SPAM1: variants seen among roughly 807,000 people sequenced by gnomAD.
SPAM1 encodes the protein sperm adhesion molecule 1.
In SPAM1, 22 loss-of-function variants were observed where a neutral mutation model predicts 29.6. That is an observed-to-expected ratio of 0.74 (90% CI 0.53 to 1.06). SPAM1 has a LOEUF of 1.06. Ranked by LOEUF, SPAM1 falls within the 50% of genes least tolerant of loss-of-function variation. The probability of loss-of-function intolerance (pLI) is 0.00; values close to 1 mark genes in which losing one functional copy is unlikely to be tolerated. For missense variants in SPAM1, 534 were observed against 604.0 expected (o/e 0.88, Z 1.21); for synonymous variants, 194 against 204.6 (o/e 0.95, Z 0.44).
intron 1 of SPAM1, among the ~76,000 whole-genome samples, chr7:123,941,430 C>A (rs1284302186): frequency 6.6e-6 from 1 of 152,316 alleles, no homozygotes; most frequent in Non-Finnish European, 1.5e-5. Context: ...AGATAAGAGA[C>A]AAAAGGTGGC....
chr7:123,939,133 T>C (rs1167468273), intron 1 of SPAM1, among the ~76,000 whole-genome samples: 2 of 150,300 alleles, frequency 1.3e-5, no homozygotes, highest in Non-Finnish European at 3.0e-5. Context: ...TCGCCCAGGC[T>C]GGAGTGCAGT....
chr7:123,925,585 C>T (rs185049216), intron 1 of SPAM1: 107 of 152,134 alleles, frequency 7.0e-4, no homozygotes, highest in African/African-American at 2.4e-3. Context: ...CTGATTCAAT[C>T]TATAAAGAAA....
At chr7:123,944,929 C>T (rs990731592) in intron 1 of SPAM1, among the ~76,000 whole-genome samples, 7 of 151,962 alleles carry the variant, frequency 4.6e-5, no homozygotes, top group African/African-American at 1.4e-4. Context: ...ATTATTCTAA[C>T]CAATTATTTA....
In SPAM1 at chr7:123,959,677, G is replaced by A. The variant is rs893240011; in HGVS notation, c.1238G>A (p.Gly413Glu). 6.2e-7 allele frequency: 1 copy of A among 1,613,174 alleles called. No homozygotes were observed. The highest frequency in any genetic ancestry group is 8.5e-7 in the Non-Finnish European group (1 of 1,179,590). The change falls in exon 5 of 5, where the codon GGA (glycine) becomes GAA (glutamate). Residue 413 changes from glycine to glutamate, a missense_variant. Physicochemically the swap from Gly to Glu is moderately conservative, Grantham distance 98. Transcript: ENST00000682466. ...DNFAIQLEKGGKFTVRGKPTL... is the reference protein window; with the variant it reads ...DNFAIQLEKGEKFTVRGKPTL... ...TTTGCTATTCAACTTGAGAAAGGTGGAAAGTTCACAGTACGTGGAAAACCG... is the reference window on the plus strand; with the variant it reads ...TTTGCTATTCAACTTGAGAAAGGTGAAAAGTTCACAGTACGTGGAAAACCG...
At chr7:123,935,928 A>T (rs1033990811) in intron 1 of SPAM1, among the ~76,000 whole-genome samples, 2 of 152,046 alleles carry the variant, frequency 1.3e-5, no homozygotes, top group Non-Finnish European at 2.9e-5. Flanking sequence ...GGTTTTTTTT[A>T]AAGGCTTATT....
At chr7:123,933,859 G>A in intron 1 of SPAM1, among the ~76,000 whole-genome samples, 1 of 152,162 alleles carries the variant, frequency 6.6e-6, no homozygotes. Context: ...GTCAATGATA[G>A]ACCATATATA....
intron 1 of SPAM1, among the ~76,000 whole-genome samples, chr7:123,934,610 A>C (rs549902679): frequency 6.6e-6 from 1 of 151,002 alleles, no homozygotes; most frequent in South Asian, 2.1e-4. Context: ...CAGTGGATGA[A>C]TGGATAAAGA....
rs977758309 is a variant in SPAM1, at chr7:123,960,008, A to G, written c.*39A>G. The G allele has an allele frequency of 1.9e-6, 3 of 1,539,922 alleles. No homozygotes were observed. The African/African-American group carries it at 4.1e-5, about 21-fold the overall frequency. The stretch of plus-strand genomic sequence containing the variant: ...CTGAAATGAACAATATGTCCATCTT[A>G]AAGTGTGCTTTTTCGACTAATTAAA... On this transcript the variant is annotated 3_prime_UTR_variant, in exon 5 of 5. Transcript: ENST00000682466.
chr7:123,939,011 A>G (rs916596897), intron 1 of SPAM1, among the ~76,000 whole-genome samples: 1 of 151,890 alleles, frequency 6.6e-6, no homozygotes, highest in Non-Finnish European at 1.5e-5. Context: ...TTAAAAAGAG[A>G]CATTTGAAGA....
At chr7:123,951,281 A>G (rs1808756099) in intron 2 of SPAM1, among the ~76,000 whole-genome samples, 2 of 151,986 alleles carry the variant, frequency 1.3e-5, no homozygotes, top group South Asian at 4.1e-4. Flanking sequence ...AGTTTGTTCC[A>G]TTTTTGTTTT....
At chr7:123,925,502 A>G (rs1302896037) in intron 1 of SPAM1, 150 bp downstream of exon 1, 1 of 152,206 alleles carries the variant, frequency 6.6e-6, no homozygotes, top group African/African-American at 2.4e-5. Context: ...GTATGAAGTA[A>G]GAAGTTTTAA....
At chr7:123,944,976 C>A (rs1808531214) in intron 1 of SPAM1, among the ~76,000 whole-genome samples, 1 of 151,922 alleles carries the variant, frequency 6.6e-6, no homozygotes, top group Non-Finnish European at 1.5e-5. Flanking sequence ...TAAATATAGA[C>A]AACTTGATCA....
intron 5 of SPAM1, among the ~76,000 whole-genome samples, chr7:123,965,842 G>C (rs1197021312): frequency 6.6e-6 from 1 of 152,006 alleles, no homozygotes; most frequent in Non-Finnish European, 1.5e-5. Context: ...TGTGACAAAT[G>C]TCAATGATAG....
intron 1 of SPAM1, among the ~76,000 whole-genome samples, chr7:123,929,480 A>G (rs1807999718): frequency 6.6e-6 from 1 of 152,000 alleles, no homozygotes; most frequent in Non-Finnish European, 1.5e-5. Flanking sequence ...GGGGAGTTGT[A>G]TATTGTCACT....
At chr7:123,955,134 G>GT (rs773532696) in intron 4 of SPAM1, 48 bp downstream of exon 4, 1 of 1,302,976 alleles carries the variant, frequency 7.7e-7, no homozygotes, top group Admixed American at 1.7e-5. Context: ...TATGTTTAAT[G>GT]TTTTTGGGGA....
At chr7:123,938,510 T>C (rs909825357) in intron 1 of SPAM1, among the ~76,000 whole-genome samples, 1 of 152,238 alleles carries the variant, frequency 6.6e-6, no homozygotes, top group Non-Finnish European at 1.5e-5. Context: ...TATATATTTA[T>C]TGGCATTTAT....
chr7:123,930,584 A>T (rs1409380282), intron 1 of SPAM1, among the ~76,000 whole-genome samples: 7 of 152,208 alleles, frequency 4.6e-5, no homozygotes, highest in Non-Finnish European at 1.0e-4. Context: ...TACACAAGTG[A>T]GATGCACCCA....
At chr7:123,962,377 A>C (rs755458628), downstream of SPAM1, among the ~76,000 whole-genome samples, 6 of 151,760 alleles carry the variant, frequency 4.0e-5, no homozygotes, top group Non-Finnish European at 7.4e-5. Flanking sequence ...TTGCTGTTGA[A>C]TTGTTTGAGT....
chr7:123,950,076 T>G (rs1442897507), intron 2 of SPAM1, 93 bp downstream of exon 2: 1 of 152,044 alleles, frequency 6.6e-6, no homozygotes, highest in African/African-American at 2.4e-5. Context: ...GGAAGACACT[T>G]AAAAATGCAA....
Sources: gnomAD v4.1 joint callset for allele counts (sites outside exome capture counted in the v4.1 genomes callset) on GRCh38, gnomAD v4.1.1 for gene constraint, MANE v1.5 for transcripts, NCBI Gene and HGNC (gene_info 2026-07-23, HGNC 2026-07-21) for gene names.